The following CD3G variants were observed in gnomAD, a reference collection of about 807,000 sequenced individuals.
The protein encoded by CD3G is T-cell surface glycoprotein CD3 gamma chain.
Under a neutral mutation model 28.3 loss-of-function variants are expected in CD3G, and 24 were observed. The observed-to-expected ratio is 0.85, with a 90% CI of 0.61 to 1.19. The LOEUF (loss-of-function observed/expected upper bound fraction) is 1.19. CD3G is among the 50% of genes most tolerant of loss of function. CD3G has a pLI of 0.00. For synonymous variants in CD3G, 71 were observed against 75.9 expected (o/e 0.93, Z 0.34); for missense variants, 211 against 210.0 (o/e 1.00, Z -0.03).
At chr11:118,347,812 G>A (rs1224140927) in intron 1 of CD3G, among the ~76,000 whole-genome samples, 1 of 152,064 alleles carries the variant, frequency 6.6e-6, no homozygotes, top group Admixed American at 6.6e-5. Context: ...GTAGAGACAG[G>A]GTTTCGCCAT....
At chr11:118,346,656 A>G in intron 1 of CD3G, among the ~76,000 whole-genome samples, 1 of 151,664 alleles carries the variant, frequency 6.6e-6, no homozygotes, top group Non-Finnish European at 1.5e-5. Context: ...TGTCTACAAA[A>G]ACTACGAAAA....
chr11:118,350,451 T>C, intron 3 of CD3G, 101 bp from the exon 4 acceptor site: 1 of 871,624 alleles, frequency 1.1e-6, no homozygotes, highest in South Asian at 1.3e-5. Context: ...AGGAAAAGCC[T>C]GCTGCCCTCC....
chr11:118,352,590 A>T (rs1324568847), intron 6 of CD3G, 103 bp downstream of exon 6: 1 of 829,470 alleles, frequency 1.2e-6, no homozygotes, highest in Non-Finnish European at 2.1e-6. Context: ...TAAGCATCAG[A>T]CTCTGGGGAT....
In CD3G at chr11:118,344,467, T is replaced by C. The variant is rs1407145472; in HGVS notation, c.44T>C (p.Ile15Thr). 1 of 1,568,454 alleles carries C rather than the reference T, an allele frequency of 6.4e-7. No homozygotes were observed. The highest frequency in any genetic ancestry group is 1.9e-5 in the Admixed American group (1 of 52,706). Residue 15 changes from isoleucine to threonine, a missense_variant, in exon 1 of 7, where the codon ATT (isoleucine) becomes ACT (threonine). Coordinates refer to ENST00000532917, the MANE Select transcript of CD3G (RefSeq NM_000073.3). ...KGLAVLILAI[I>T]LLQGTLAQSI... Reference sequence around the variant, plus strand: ...CTGGCTGTCCTCATCCTGGCTATCATTCTTCTTCAAGGTAAGGGCCTACTA... The same window carrying C: ...CTGGCTGTCCTCATCCTGGCTATCACTCTTCTTCAAGGTAAGGGCCTACTA...
chr11:118,351,203 A>AC (rs989023100), intron 4 of CD3G, among the ~76,000 whole-genome samples: 1 of 150,752 alleles, frequency 6.6e-6, no homozygotes, highest in Admixed American at 6.7e-5. Flanking sequence ...AAAAAAAAAA[A>AC]AAACTATTTT....
chr11:118,349,320 T>C (rs2282550), intron 2 of CD3G: 449,568 of 1,387,672 alleles, frequency 0.32, 76,412 homozygotes, highest in East Asian at 0.58. Flanking sequence ...CATGAACCAG[T>C]AGGTATTGGC....
intron 1 of CD3G, among the ~76,000 whole-genome samples, chr11:118,347,811 G>A (rs903788917): frequency 5.3e-5 from 8 of 152,136 alleles, no homozygotes; most frequent in Admixed American, 2.6e-4. Context: ...TGTAGAGACA[G>A]GGTTTCGCCA....
At chr11:118,344,830 C>T (rs2134064339) in intron 1 of CD3G, among the ~76,000 whole-genome samples, 1 of 152,346 alleles carries the variant, frequency 6.6e-6, no homozygotes, top group East Asian at 1.9e-4. Flanking sequence ...GGCTAGCAGT[C>T]GACCTAGGAA....
chr11:118,347,923 C>A (rs916257664), intron 1 of CD3G, among the ~76,000 whole-genome samples: 5 of 152,128 alleles, frequency 3.3e-5, no homozygotes, highest in Admixed American at 3.3e-4. Flanking sequence ...TGCCAGTCAA[C>A]TCTGAGTTAT....
At position 118,349,603 on chromosome 11, in the gene CD3G, A is replaced by G. The variant is rs1591284205; in HGVS notation, c.80-140A>G. The stretch of plus-strand genomic sequence containing the variant: ...CCCCAGAACTACTAAATAGCACCTG[A>G]AATTTTAACAAGATCCCCATGTGAT... On this transcript the variant is annotated intron_variant, in intron 2 of 6. Transcript: ENST00000532917. 5.2e-6 allele frequency: 4 copies of G among 765,478 alleles called. No homozygotes were observed. In the East Asian group the frequency reaches 1.1e-4, roughly 20 times the overall value. 47.4% of individuals were successfully genotyped at this position (765,478 alleles called of 1,614,324 possible). A position where few individuals can be genotyped will look rare whatever the true frequency, so the allele number is the denominator to read the frequency against.
chr11:118,348,325 T>G (rs961652059), intron 1 of CD3G, among the ~76,000 whole-genome samples: 2 of 152,140 alleles, frequency 1.3e-5, no homozygotes, highest in Non-Finnish European at 2.9e-5. Flanking sequence ...CATTGATAAT[T>G]TGCTAGAATA....
At chr11:118,347,550 A>T (rs1028314773) in intron 1 of CD3G, among the ~76,000 whole-genome samples, 3 of 152,206 alleles carry the variant, frequency 2.0e-5, no homozygotes, top group African/African-American at 7.2e-5. Flanking sequence ...GATTAAATCT[A>T]ATTGAATTGA....
chr11:118,349,008 C>T lies in CD3G; in HGVS notation c.56-19C>T. On this transcript the variant is annotated intron_variant, in intron 1 of 6. Coordinates refer to ENST00000532917, the MANE Select transcript of CD3G (RefSeq NM_000073.3). ...ACTCCATGCCCAGCTAATACTCTAT[C>T]TCTCTTCTGTCTTTACAGGTACTTT... The T allele has an allele frequency of 6.2e-7, 1 of 1,614,080 alleles. No individual in the cohort carries two copies. The highest frequency in any genetic ancestry group is 1.1e-5 in the South Asian group (1 of 91,084).
At chr11:118,350,323 C>T (rs943637094) in intron 3 of CD3G, 2 of 595,834 alleles carry the variant, frequency 3.4e-6, no homozygotes. Flanking sequence ...TCCTTCTGTT[C>T]CAGATACTTC....
intron 1 of CD3G, among the ~76,000 whole-genome samples, chr11:118,348,026 A>G (rs1948372438): frequency 6.6e-6 from 1 of 152,206 alleles, no homozygotes; most frequent in Non-Finnish European, 1.5e-5. Flanking sequence ...ATATTTTATA[A>G]GGAACTCAGC....
In CD3G at chr11:118,349,000, T is replaced by C. The variant is rs1312887792; in HGVS notation, c.56-27T>C. ...TCTGAACAACTCCATGCCCAGCTAA[T>C]ACTCTATCTCTCTTCTGTCTTTACA... is the stretch of plus-strand genomic sequence containing the variant. On this transcript the variant is annotated intron_variant, in intron 1 of 6. Coordinates refer to ENST00000532917, the MANE Select transcript of CD3G (RefSeq NM_000073.3). 1.2e-5 allele frequency: 20 copies of C among 1,613,802 alleles called. No individual in the cohort carries two copies. In the Admixed American group the frequency reaches 1.5e-4, roughly 12 times the overall value.
Position 118,352,503 on chromosome 11 carries a change from C to T in CD3G, c.*18+16C>T. ...CTCAGAGTAGGTGGGTTCTTCAATGCCAATTCTAATAAAGGACCCTTGCAT... is the reference window on the plus strand; with the variant it reads ...CTCAGAGTAGGTGGGTTCTTCAATGTCAATTCTAATAAAGGACCCTTGCAT... On this transcript the variant is annotated intron_variant, in intron 6 of 6. Transcript: ENST00000532917. 6.5e-7 allele frequency: 1 copy of T among 1,541,434 alleles called. No individual in the cohort carries two copies. The highest frequency in any genetic ancestry group is 9.0e-7 in the Non-Finnish European group (1 of 1,114,838).
intron 1 of CD3G, among the ~76,000 whole-genome samples, chr11:118,348,720 T>C (rs1400222929): frequency 1.3e-5 from 2 of 152,200 alleles, no homozygotes; most frequent in Non-Finnish European, 2.9e-5. Flanking sequence ...GTCATTGCCA[T>C]GCATAAACTC....
chr11:118,350,031 GC>G, intron 3 of CD3G, 61 bp downstream of exon 3: 1 of 1,318,800 alleles, frequency 7.6e-7, no homozygotes, highest in Non-Finnish European at 1.1e-6. Flanking sequence ...GTTCTGGTGA[GC>G]TTTTTATCTG....
Sources: allele counts gnomAD v4.1 joint callset (sites outside exome capture counted in the v4.1 genomes callset), GRCh38; gene constraint gnomAD v4.1.1; transcripts MANE v1.5; gene names NCBI Gene and HGNC (gene_info 2026-07-23, HGNC 2026-07-21).